The following ARHGAP35 variants were observed in gnomAD, a reference collection of about 807,000 sequenced individuals.
ARHGAP35 encodes Rho GTPase activating protein 35, also known as rho GTPase-activating protein 35.
ARHGAP35 carries 15 observed loss-of-function variants against 111.1 expected under a neutral mutation model. That is an observed-to-expected ratio of 0.13 (90% confidence interval 0.09 to 0.21). The LOEUF (loss-of-function observed/expected upper bound fraction) is 0.21. Ranked by LOEUF, ARHGAP35 falls within the 10% of genes least tolerant of loss-of-function variation. ARHGAP35 has a pLI of 1.00. For synonymous variants in ARHGAP35, 643 were observed against 710.3 expected (o/e 0.91, Z 1.51); for missense variants, 1,262 against 1,873.0 (o/e 0.67, Z 6.02).
intron 5 of ARHGAP35, among the ~76,000 whole-genome samples, chr19:46,991,458 A>G (rs570769904): frequency 6.6e-6 from 1 of 152,200 alleles, no homozygotes; most frequent in Admixed American, 6.5e-5. Context: ...ATTGATAGGG[A>G]ATCAGCCACC....
intron 3 of ARHGAP35, among the ~76,000 whole-genome samples, chr19:46,952,820 A>G (rs1340684740): frequency 6.6e-6 from 1 of 152,206 alleles, no homozygotes; most frequent in Non-Finnish European, 1.5e-5. Context: ...CTGGGACCAC[A>G]GGTGTGTGCC....
rs569634531 is a variant in ARHGAP35 at position 46,917,744 on chromosome 19, T to TA, written c.-188-743dup. On this transcript the variant is annotated intron_variant, in intron 1 of 6. Transcript: ENST00000672722. ...TGTTGTTGCTGTTTTGAGATAGTCT[T>TA]ACTCTGTTGCCCAGGCTGGAGTGCA... 4.0e-3 allele frequency among the ~76,000 whole-genome samples: 607 copies of TA among 152,250 alleles called. 8 individuals carry two copies. Among genetic ancestry groups the TA allele is most frequent in the African/African-American group, 0.014 (561 of 41,548 alleles).
intron 3 of ARHGAP35, among the ~76,000 whole-genome samples, chr19:46,959,867 G>A (rs2056467099): frequency 6.6e-6 from 1 of 152,014 alleles, no homozygotes; most frequent in South Asian, 2.1e-4. Context: ...AGGCAGAGGG[G>A]CTAGAGGATC....
chr19:46,880,684 A>T (rs1022812631), intron 1 of ARHGAP35, among the ~76,000 whole-genome samples: 8 of 151,182 alleles, frequency 5.3e-5, no homozygotes, highest in Admixed American at 3.3e-4. Context: ...TTTTATTTTT[A>T]TTTTTTTTAA....
In ARHGAP35 at chr19:46,999,495, A is replaced by G; in HGVS notation, c.4142+86A>G. ...TGTCGCAGAACAAGGCTCTGTCCAC[A>G]AGCCAGTAGAAGCCTCAGGCCCTGG... On this transcript the variant is annotated intron_variant, in intron 6 of 6. Coordinates refer to ENST00000672722, the MANE Select transcript of ARHGAP35 (RefSeq NM_004491.5). This position sits in a 1 kb window ranked among gnomAD's most constrained non-coding sequence, Gnocchi z 5.4. 1.1e-6 allele frequency: 1 copy of G among 882,002 alleles called. No homozygotes were observed. Among genetic ancestry groups the G allele is most frequent in the Non-Finnish European group, 1.8e-6 (1 of 561,464 alleles). The allele number at this position is 882,002 out of a possible 1,614,324, so 54.6% of individuals were successfully genotyped here.
chr19:46,895,804 T>TA (rs2056051984), intron 1 of ARHGAP35, among the ~76,000 whole-genome samples: 1 of 152,200 alleles, frequency 6.6e-6, no homozygotes, highest in East Asian at 1.9e-4. Flanking sequence ...CGGGTGGATT[T>TA]AAAAATCTGT....
At chr19:46,977,164 G>A (rs1330962050) in intron 3 of ARHGAP35, among the ~76,000 whole-genome samples, 5 of 152,208 alleles carry the variant, frequency 3.3e-5, no homozygotes, top group Non-Finnish European at 7.3e-5. Context: ...GTGGCCCTGT[G>A]GGGACTCCCA....
chr19:46,893,165 C>T (rs1297431524), intron 1 of ARHGAP35, among the ~76,000 whole-genome samples: 2 of 152,064 alleles, frequency 1.3e-5, no homozygotes, highest in African/African-American at 4.8e-5. Flanking sequence ...TGCGGGGGAG[C>T]TTGGGAAACC....
At chr19:46,867,799 A>G (rs934820933) in intron 1 of ARHGAP35, among the ~76,000 whole-genome samples, 3 of 151,656 alleles carry the variant, frequency 2.0e-5, no homozygotes, top group Middle Eastern at 3.4e-3. Flanking sequence ...AGATGTTTGT[A>G]CCAACTGTAA....
intron 3 of ARHGAP35, among the ~76,000 whole-genome samples, chr19:46,955,568 A>T (rs991370980): frequency 5.3e-5 from 8 of 152,184 alleles, no homozygotes; most frequent in African/African-American, 1.4e-4. Context: ...TTCACATAGC[A>T]TGAAGGTAAT....
intron 1 of ARHGAP35, among the ~76,000 whole-genome samples, chr19:46,868,889 C>T (rs1160245825): frequency 1.5e-5 from 2 of 136,688 alleles, no homozygotes; most frequent in African/African-American, 5.5e-5. Flanking sequence ...TGGAGCTCAC[C>T]GTGATTTTTT....
At position 47,000,406 on chromosome 19, in the gene ARHGAP35, A is replaced by G; in HGVS notation, c.4218A>G (p.Arg1406=). The G allele has an allele frequency of 9.3e-6, 15 of 1,613,584 alleles. No individual in the cohort carries two copies. The highest frequency in any genetic ancestry group is 1.3e-5 in the Non-Finnish European group (15 of 1,179,802). ...LSICFWPTLM[R]PDFSTMDALT... is the part of the protein sequence containing the mutation. ...TCTGCTTCTGGCCCACCTTGATGAG[A>G]CCTGATTTCAGCACTATGGACGCCC... Residue 1406 remains arginine (R), a synonymous_variant, in exon 7 of 7, where the codon AGA becomes AGG. Transcript: ENST00000672722. The surrounding 1 kb of genome is among the most constrained non-coding windows in gnomAD (Gnocchi z 6.9).
chr19:46,896,830 T>G (rs1396283583), intron 1 of ARHGAP35, among the ~76,000 whole-genome samples: 1 of 152,168 alleles, frequency 6.6e-6, no homozygotes, highest in Non-Finnish European at 1.5e-5. Flanking sequence ...ATGGTAAGGT[T>G]TTTAGAAGTA....
chr19:46,906,010 A>G (rs914715950), intron 1 of ARHGAP35, among the ~76,000 whole-genome samples: 11 of 149,408 alleles, frequency 7.4e-5, no homozygotes, highest in Admixed American at 6.7e-5. Context: ...TTAACGTGGG[A>G]CACCAACATA....
chr19:46,868,730 G>A (rs1252594650), intron 1 of ARHGAP35, among the ~76,000 whole-genome samples: 5 of 151,960 alleles, frequency 3.3e-5, no homozygotes, highest in Middle Eastern at 6.8e-3. Context: ...AAGTATTTGG[G>A]TAGCTACAAA....
intron 1 of ARHGAP35, among the ~76,000 whole-genome samples, chr19:46,863,774 C>T (rs905023722): frequency 1.3e-5 from 2 of 152,140 alleles, no homozygotes; most frequent in Non-Finnish European, 2.9e-5. Context: ...CACAGTTGGA[C>T]CTAGGGAAGC....
At chr19:46,980,882 C>CGT (rs2056617142) in intron 3 of ARHGAP35, among the ~76,000 whole-genome samples, 1 of 152,210 alleles carries the variant, frequency 6.6e-6, no homozygotes, top group Non-Finnish European at 1.5e-5. Context: ...GCTAAGATCT[C>CGT]ATTAAATACA....
chr19:46,892,123 TA>T (rs1178888092), intron 1 of ARHGAP35, among the ~76,000 whole-genome samples: 859 of 53,896 alleles, frequency 0.016, no homozygotes, highest in South Asian at 0.037. Context: ...CTGTCTCTAC[TA>T]AAAAAAAAAA....
intron 3 of ARHGAP35, 97 bp downstream of exon 3, chr19:46,937,505 T>C (rs1385025844): frequency 1.4e-6 from 2 of 1,386,432 alleles, no homozygotes; most frequent in African/African-American, 2.9e-5. Context: ...TCAGTTGTTG[T>C]TGATTGTGAG....
Sources: allele counts gnomAD v4.1 joint callset (sites outside exome capture counted in the v4.1 genomes callset), GRCh38; gene constraint gnomAD v4.1.1; non-coding constraint Gnocchi (gnomAD v3.1); transcripts MANE v1.5; gene names NCBI Gene and HGNC (gene_info 2026-07-23, HGNC 2026-07-21).